Variants in MAN2A1 observed in about 807,000 individuals in gnomAD.
MAN2A1 encodes the protein alpha-mannosidase 2.
In MAN2A1, 76 loss-of-function variants were observed where a neutral mutation model predicts 142.6. The ratio of observed to expected loss-of-function variants is 0.53; its 90% CI spans 0.44 to 0.65. The LOEUF (loss-of-function observed/expected upper bound fraction) is 0.65. MAN2A1 is among the 30% of genes least tolerant of loss of function. The pLI is 0.00. For synonymous variants in MAN2A1, 559 were observed against 473.2 expected, an observed-to-expected ratio of 1.18 and a Z score of -2.35; for missense variants, 1,311 against 1,365.1, an observed-to-expected ratio of 0.96 and a Z score of 0.62.
intron 2 of MAN2A1, among the ~76,000 whole-genome samples, chr5:109,714,989 C>CAAA (rs60333109): frequency 5.9e-5 from 7 of 118,106 alleles, no homozygotes; most frequent in Admixed American, 8.6e-5. Context: ...AAGGGAACAG[C>CAAA]AAAAAAAAAA....
At chr5:109,835,411 T>C (rs980720439) in intron 16 of MAN2A1, among the ~76,000 whole-genome samples, 2 of 152,236 alleles carry the variant, frequency 1.3e-5, no homozygotes, top group East Asian at 3.8e-4. Flanking sequence ...AGAGCCAGTA[T>C]TTTTAAGACA....
chr5:109,792,164 C>T lies in MAN2A1; in HGVS notation c.1943+2637C>T, dbSNP rs1048538522. 2.0e-5 allele frequency among the ~76,000 whole-genome samples: 3 copies of T among 152,002 alleles called. No homozygotes were observed. In the East Asian group the frequency reaches 5.8e-4, roughly 29 times the overall value. ...CCTCCCAGCACCAATAATTTAAGTT[C>T]CTCTGATTTTCTCCATACATGCTTT... is the stretch of plus-strand genomic sequence containing the variant. On this transcript the variant is annotated intron_variant, in intron 12 of 21. Coordinates refer to ENST00000261483, the MANE Select transcript of MAN2A1 (RefSeq NM_002372.4).
chr5:109,818,603 A>G (rs1754535942), intron 13 of MAN2A1, among the ~76,000 whole-genome samples: 2 of 152,074 alleles, frequency 1.3e-5, no homozygotes, highest in African/African-American at 2.4e-5. Context: ...TTTAATATTT[A>G]TATTATGTTT....
intron 1 of MAN2A1, among the ~76,000 whole-genome samples, chr5:109,712,357 C>T (rs1233901455): frequency 2.6e-5 from 4 of 152,074 alleles, no homozygotes; most frequent in South Asian, 2.1e-4. Flanking sequence ...TCTGAAAATA[C>T]CTTTCCTTAC....
At chr5:109,690,705 C>A (rs1265332908) in intron 1 of MAN2A1, among the ~76,000 whole-genome samples, 153 bp downstream of exon 1, 1 of 152,170 alleles carries the variant, frequency 6.6e-6, no homozygotes, top group Non-Finnish European at 1.5e-5. Context: ...GCAATGATCA[C>A]CTCCTGGGAG....
Position 109,842,424 on chromosome 5 carries a change from G to A in MAN2A1, c.2663G>A (p.Ser888Asn). ...IAMKISSDIK[S>N]QNRFYTDLNG... ...ATGAAAATTTCTTCTGATATAAAAA[G>A]CCAAAATAGATTTTATACTGACCTA... Residue 888 changes from serine (S) to asparagine (N), a missense_variant, in exon 17 of 22, where the codon AGC becomes AAC. Transcript: ENST00000261483. 1.3e-6 allele frequency: 2 copies of A among 1,584,690 alleles called. No individual in the cohort carries two copies. The highest frequency in any genetic ancestry group is 1.7e-5 in the Admixed American group (1 of 59,104).
chr5:109,759,869 G>A (rs536689492), intron 5 of MAN2A1, among the ~76,000 whole-genome samples: 50 of 151,854 alleles, frequency 3.3e-4, no homozygotes, highest in Non-Finnish European at 6.3e-4. Context: ...AGTATGTTTT[G>A]TTGTGCTTAT....
chr5:109,757,387 A>C (rs1435249284), intron 5 of MAN2A1, among the ~76,000 whole-genome samples: 1 of 152,158 alleles, frequency 6.6e-6, no homozygotes, highest in African/African-American at 2.4e-5. Context: ...CAATGTACAT[A>C]CCCATTTAAT....
chr5:109,866,018 A>G (rs1253155167), intron 21 of MAN2A1, among the ~76,000 whole-genome samples: 1 of 152,204 alleles, frequency 6.6e-6, no homozygotes, highest in African/African-American at 2.4e-5. Context: ...CCTACAAATT[A>G]GCATGTGTGT....
chr5:109,857,216 A>G (rs1755647093), intron 20 of MAN2A1, among the ~76,000 whole-genome samples: 1 of 152,212 alleles, frequency 6.6e-6, no homozygotes. Flanking sequence ...CTTGTCCTTT[A>G]TTCATGGCTA....
At chr5:109,854,751 A>G (rs984834318) in intron 19 of MAN2A1, 1 of 156,600 alleles carries the variant, frequency 6.4e-6, no homozygotes, top group Non-Finnish European at 1.4e-5. Flanking sequence ...GAAACCTGAG[A>G]AGGGAGATAA....
chr5:109,783,622 C>G (rs1387092277), intron 9 of MAN2A1, among the ~76,000 whole-genome samples: 1 of 152,054 alleles, frequency 6.6e-6, no homozygotes, highest in Non-Finnish European at 1.5e-5. Context: ...AGTGTCTCCT[C>G]TTTTCTGAAT....
intron 12 of MAN2A1, among the ~76,000 whole-genome samples, chr5:109,813,784 G>A (rs1026204371): frequency 6.6e-6 from 1 of 152,170 alleles, no homozygotes; most frequent in East Asian, 1.9e-4. Flanking sequence ...GGAATTTTTA[G>A]TATACTCATC....
intron 16 of MAN2A1, among the ~76,000 whole-genome samples, chr5:109,829,156 T>C (rs1754837632): frequency 6.6e-6 from 1 of 152,226 alleles, no homozygotes; most frequent in African/African-American, 2.4e-5. Flanking sequence ...CAGAGGGTCC[T>C]GGAAATTTAA....
intron 16 of MAN2A1, among the ~76,000 whole-genome samples, chr5:109,829,193 A>T (rs72814809): frequency 6.6e-6 from 1 of 152,316 alleles, no homozygotes; most frequent in Non-Finnish European, 1.5e-5. Flanking sequence ...TACTTATATT[A>T]TTAAGTAAAA....
intron 1 of MAN2A1, among the ~76,000 whole-genome samples, chr5:109,710,827 A>AT (rs1476164231): frequency 1.3e-5 from 2 of 151,850 alleles, no homozygotes; most frequent in Non-Finnish European, 2.9e-5. Context: ...AGTAGCTGGG[A>AT]TTATAGGCGC....
chr5:109,798,325 CTAT>C (rs760340013), intron 12 of MAN2A1, among the ~76,000 whole-genome samples: 1 of 152,206 alleles, frequency 6.6e-6, no homozygotes, highest in Non-Finnish European at 1.5e-5. Flanking sequence ...CCTTCACTTA[CTAT>C]CAGTGTACTG....
chr5:109,736,325 T>C (rs1289479476), intron 4 of MAN2A1, among the ~76,000 whole-genome samples: 1 of 152,166 alleles, frequency 6.6e-6, no homozygotes, highest in East Asian at 1.9e-4. Context: ...TAAGCATTGA[T>C]ATTTGTTTTA....
intron 12 of MAN2A1, among the ~76,000 whole-genome samples, chr5:109,795,356 A>G (rs1582904685): frequency 6.6e-6 from 1 of 152,118 alleles, no homozygotes. Context: ...TACTGTTTCA[A>G]CCTCACATTG....
Sources: allele counts gnomAD v4.1 joint callset (sites outside exome capture counted in the v4.1 genomes callset), GRCh38; gene constraint gnomAD v4.1.1; transcripts MANE v1.5; gene names NCBI Gene and HGNC (gene_info 2026-07-23, HGNC 2026-07-21).